Variants in GSPT1 observed in about 807,000 individuals in gnomAD.
GSPT1 encodes the protein G1 to S phase transition 1, also known as eukaryotic peptide chain release factor GTP-binding subunit ERF3A.
Under a neutral mutation model 72.5 loss-of-function variants are expected in GSPT1, and 20 were observed. That is an observed-to-expected ratio of 0.28 (90% confidence interval 0.19 to 0.40). The LOEUF is 0.40. Ranked by LOEUF, GSPT1 falls within the 10% of genes least tolerant of loss-of-function variation. The pLI is 1.00. For missense variants in GSPT1, 580 were observed against 811.9 expected (o/e 0.71, Z 3.47); for synonymous variants, 334 against 293.5 (o/e 1.14, Z -1.41).
chr16:11,879,631 G>A (rs2054094963), intron 11 of GSPT1, among the ~76,000 whole-genome samples: 1 of 151,064 alleles, frequency 6.6e-6, no homozygotes, highest in Non-Finnish European at 1.5e-5. Flanking sequence ...TACTTGGGAG[G>A]CTGAGGCAGG....
At chr16:11,916,062 G>C (rs989367458), upstream of GSPT1, 1 of 573,414 alleles carries the variant, frequency 1.7e-6, no homozygotes, top group Non-Finnish European at 3.3e-6. Flanking sequence ...GTAGTTCTCT[G>C]TTCTGGCCGC....
chr16:11,874,339 C>T (rs1457107767), intron 14 of GSPT1, among the ~76,000 whole-genome samples: 1 of 151,638 alleles, frequency 6.6e-6, no homozygotes, highest in Non-Finnish European at 1.5e-5. Context: ...TGTGAAAAGG[C>T]ACAGCAATCA....
intron 1 of GSPT1, among the ~76,000 whole-genome samples, chr16:11,898,441 CTTTTTTT>C (rs5815660): frequency 1.9e-5 from 2 of 107,074 alleles, no homozygotes; most frequent in Non-Finnish European, 3.9e-5. Context: ...GTGATTAGCC[CTTTTTTT>C]TTTTTTTTTT....
At position 11,897,835 on chromosome 16, in the gene GSPT1, C is replaced by G; in HGVS notation, c.436+5G>C. ...CTGTATTAATATGGTCAGAAATTTT[C>G]TTACCAATAGGTTCTGAAAGTTCCA... On this transcript the variant is annotated splice_donor_5th_base_variant and intron_variant, in intron 3 of 14. Transcript: ENST00000434724. The G allele has an allele frequency of 2.0e-6, 3 of 1,478,206 alleles. No individual in the cohort carries two copies. Among genetic ancestry groups the G allele is most frequent in the Non-Finnish European group, 1.9e-6 (2 of 1,075,120 alleles). The allele number at this position is 1,478,206 out of a possible 1,614,324, so 91.6% of individuals were successfully genotyped here.
At chr16:11,897,125 A>G (rs1324487243) in intron 3 of GSPT1, among the ~76,000 whole-genome samples, 1 of 152,262 alleles carries the variant, frequency 6.6e-6, no homozygotes, top group East Asian at 1.9e-4. Context: ...ATAGTAAGAA[A>G]AAAAGGAAAG....
intron 1 of GSPT1, among the ~76,000 whole-genome samples, chr16:11,904,803 A>T (rs916899975): frequency 6.6e-6 from 1 of 152,254 alleles, no homozygotes; most frequent in Admixed American, 6.5e-5. Context: ...ACTAATCTTC[A>T]AGCCGGGTGT....
upstream of GSPT1, chr16:11,916,046 G>C (rs1476837499): frequency 8.1e-6 from 5 of 618,448 alleles, no homozygotes; most frequent in South Asian, 1.4e-5. Context: ...CCGTACCTTC[G>C]CCTCGGTAGT....
chr16:11,890,910 C>T (rs944520531), intron 6 of GSPT1, 152 bp downstream of exon 6: 19 of 536,870 alleles, frequency 3.5e-5, no homozygotes, highest in Non-Finnish European at 5.6e-5. Flanking sequence ...ATTAGGAACT[C>T]ATCTACTGTG....
At chr16:11,900,259 G>C (rs75229290) in intron 1 of GSPT1, among the ~76,000 whole-genome samples, 2 of 151,810 alleles carry the variant, frequency 1.3e-5, no homozygotes, top group Non-Finnish European at 2.9e-5. Context: ...CTTGAACCCG[G>C]GAGGTGGAGG....
intron 4 of GSPT1, among the ~76,000 whole-genome samples, chr16:11,896,190 G>A (rs2054336355): frequency 6.6e-6 from 1 of 152,052 alleles, no homozygotes; most frequent in South Asian, 2.1e-4. Flanking sequence ...AAAATTATCT[G>A]GTAAGGTCAA....
chr16:11,897,829 A>C lies in GSPT1; in HGVS notation c.436+11T>G. On this transcript the variant is annotated intron_variant, in intron 3 of 14. Coordinates refer to ENST00000434724, the MANE Select transcript of GSPT1 (RefSeq NM_002094.4). Reference sequence around the variant, plus strand: ...ATATTACTGTATTAATATGGTCAGAAATTTTCTTACCAATAGGTTCTGAAA... The same window carrying C: ...ATATTACTGTATTAATATGGTCAGACATTTTCTTACCAATAGGTTCTGAAA... 1 of 1,441,098 alleles carries C rather than the reference A, an allele frequency of 6.9e-7. No individual in the cohort carries two copies. The highest frequency in any genetic ancestry group is 1.2e-5 in the South Asian group (1 of 82,406). The allele number at this position is 1,441,098 out of a possible 1,614,324, so 89.3% of individuals were successfully genotyped here. A position where few individuals can be genotyped will look rare whatever the true frequency, so the allele number is the denominator to read the frequency against.
intron 1 of GSPT1, among the ~76,000 whole-genome samples, chr16:11,909,917 C>G (rs886134521): frequency 8.0e-5 from 12 of 150,774 alleles, no homozygotes; most frequent in Admixed American, 8.0e-4. Flanking sequence ...GAGCGAAACT[C>G]CATCTCAAAA....
rs935003397 is a variant in GSPT1 at position 11,870,058 on chromosome 16, T to G, written c.*3061A>C. ...CCTCGTTACAGTGAACAACCTGCACTGTTAGAGTTTAGGAACTTTTGACAT... is the reference window on the plus strand; with the variant it reads ...CCTCGTTACAGTGAACAACCTGCACGGTTAGAGTTTAGGAACTTTTGACAT... On this transcript the variant is annotated 3_prime_UTR_variant, in exon 15 of 15. Transcript: ENST00000434724. The G allele has an allele frequency of 2.0e-5, 3 of 152,204 alleles. No homozygotes were observed. The highest frequency in any genetic ancestry group is 1.3e-4 in the Admixed American group (2 of 15,276). The allele number at this position is 152,204 out of a possible 1,614,324, so 9.4% of individuals were successfully genotyped here. A position where few individuals can be genotyped will look rare whatever the true frequency, so the allele number is the denominator to read the frequency against.
chr16:11,900,315 A>G (rs983707223), intron 1 of GSPT1, among the ~76,000 whole-genome samples: 2 of 137,816 alleles, frequency 1.5e-5, no homozygotes, highest in Non-Finnish European at 3.1e-5. Flanking sequence ...CTTGGACAAG[A>G]ATGAAACTCC....
chr16:11,908,486 C>CATG (rs1567452237), intron 1 of GSPT1: 5 of 47,434 alleles, frequency 1.1e-4, no homozygotes, highest in African/African-American at 3.6e-4. Context: ...TTAGGCCGGG[C>CATG]GCGGTGGCTC....
chr16:11,897,779 T>G (rs188816740), intron 3 of GSPT1, 61 bp downstream of exon 3: 83 of 838,416 alleles, frequency 9.9e-5, no homozygotes, highest in Non-Finnish European at 1.5e-4. Flanking sequence ...TAATGCACCT[T>G]AAATCTTGAG....
At chr16:11,881,629 C>CT (rs1391703746) in intron 11 of GSPT1, 1 of 149,466 alleles carries the variant, frequency 6.7e-6, no homozygotes, top group Non-Finnish European at 1.5e-5. Flanking sequence ...CCCTTGCAAC[C>CT]ACCAAGCTGC....
intron 6 of GSPT1, 196 bp downstream of exon 6, chr16:11,890,862 GGATT>G (rs1306854631): frequency 3.6e-5 from 14 of 387,756 alleles, no homozygotes; most frequent in African/African-American, 2.5e-4. Flanking sequence ...CCAGATATAT[GGATT>G]GTTTCCAAAT....
Position 11,911,854 on chromosome 16 carries a change from A to ATTTTTT in GSPT1, c.352+3509_352+3514dup, listed in dbSNP as rs1158026034. ...GGCATGAGCCACTGCACCCAGCTGT[A>ATTTTTT]TTTTTTTTTTTTTTTTTTTTTTTTT... On this transcript the variant is annotated intron_variant, in intron 1 of 14. Transcript: ENST00000434724. 3.6e-3 allele frequency among the ~76,000 whole-genome samples: 164 copies of ATTTTTT among 45,408 alleles called. 19 individuals are homozygous for ATTTTTT. The highest frequency in any genetic ancestry group is 7.7e-3 in the African/African-American group (84 of 10,864). 29.8% of individuals were successfully genotyped at this position (45,408 alleles called of 152,430 possible). A position where few individuals can be genotyped will look rare whatever the true frequency, so the allele number is the denominator to read the frequency against.
Sources: allele counts gnomAD v4.1 joint callset (sites outside exome capture counted in the v4.1 genomes callset), GRCh38; gene constraint gnomAD v4.1.1; transcripts MANE v1.5; gene names NCBI Gene and HGNC (gene_info 2026-07-23, HGNC 2026-07-21).